Variants in SPOCK3 observed in about 807,000 individuals in gnomAD.
SPOCK3 encodes the protein testican-3.
A neutral mutation model predicts 56.6 loss-of-function variants in SPOCK3; 30 were observed. The ratio of observed to expected loss-of-function variants is 0.53; its 90% CI spans 0.40 to 0.72. SPOCK3 has a LOEUF of 0.72. Ranked by LOEUF, SPOCK3 falls within the 30% of genes least tolerant of loss-of-function variation. SPOCK3 has a pLI of 0.00. For missense variants in SPOCK3, 527 were observed against 530.0 expected (o/e 0.99, Z 0.06); for synonymous variants, 196 against 183.3 (o/e 1.07, Z -0.56).
intron 3 of SPOCK3, among the ~76,000 whole-genome samples, chr4:167,006,829 T>C (rs1749519473): frequency 1.3e-5 from 2 of 152,254 alleles, no homozygotes; most frequent in Non-Finnish European, 2.9e-5. Context: ...TCCTCATACC[T>C]GTTGCTACTA....
chr4:167,178,784 C>A (rs1055368949), intron 2 of SPOCK3, among the ~76,000 whole-genome samples: 2 of 151,700 alleles, frequency 1.3e-5, no homozygotes, highest in African/African-American at 4.8e-5. Flanking sequence ...ACCATGATTT[C>A]ATAAAAATAA....
At chr4:166,918,093 G>A (rs529095717) in intron 4 of SPOCK3, among the ~76,000 whole-genome samples, 32 of 152,104 alleles carry the variant, frequency 2.1e-4, no homozygotes, top group Non-Finnish European at 3.4e-4. Flanking sequence ...GCCAAGTCAT[G>A]ATTTCTTCCC....
intron 2 of SPOCK3, among the ~76,000 whole-genome samples, chr4:167,138,893 A>G (rs1763318833): frequency 6.6e-6 from 1 of 151,990 alleles, no homozygotes; most frequent in Non-Finnish European, 1.5e-5. Context: ...AAATCATAAG[A>G]CTAGAATAAA....
intron 2 of SPOCK3, among the ~76,000 whole-genome samples, chr4:167,112,304 TC>T: frequency 6.6e-6 from 1 of 152,196 alleles, no homozygotes. Context: ...TAAAAATGAC[TC>T]TTCTAAAATG....
At chr4:167,076,079 G>T (rs759850953) in intron 2 of SPOCK3, among the ~76,000 whole-genome samples, 40 of 151,854 alleles carry the variant, frequency 2.6e-4, no homozygotes, top group South Asian at 2.1e-4. Flanking sequence ...TATTCCAACT[G>T]TATGGCATTC....
intron 2 of SPOCK3, among the ~76,000 whole-genome samples, chr4:167,067,781 A>T (rs1195395925): frequency 1.3e-5 from 2 of 151,864 alleles, no homozygotes; most frequent in Non-Finnish European, 2.9e-5. Flanking sequence ...TAATAGCATC[A>T]ATGCTATACT....
At chr4:166,888,558 A>G (rs547891321) in intron 6 of SPOCK3, among the ~76,000 whole-genome samples, 1 of 152,218 alleles carries the variant, frequency 6.6e-6, no homozygotes, top group African/African-American at 2.4e-5. Flanking sequence ...TATATATTAT[A>G]GTACATATCT....
chr4:167,214,258 A>G (rs2111051923), intron 2 of SPOCK3, among the ~76,000 whole-genome samples: 1 of 152,278 alleles, frequency 6.6e-6, no homozygotes, highest in South Asian at 2.1e-4. Context: ...GTTTTTATGT[A>G]GTTTAAAGAA....
chr4:166,864,175 A>G (rs1200378882), intron 6 of SPOCK3, among the ~76,000 whole-genome samples: 1 of 152,222 alleles, frequency 6.6e-6, no homozygotes, highest in African/African-American at 2.4e-5. Flanking sequence ...CTGCTCTTGA[A>G]TGACTGCTGG....
intron 6 of SPOCK3, among the ~76,000 whole-genome samples, chr4:166,849,079 T>C (rs908535390): frequency 3.3e-5 from 5 of 152,216 alleles, no homozygotes; most frequent in African/African-American, 1.2e-4. Context: ...TAGAAATACA[T>C]GAATATCTAA....
intron 4 of SPOCK3, among the ~76,000 whole-genome samples, chr4:166,922,177 T>C (rs1185659090): frequency 6.6e-6 from 1 of 151,846 alleles, no homozygotes; most frequent in Non-Finnish European, 1.5e-5. Context: ...CATCTCCCAC[T>C]CCCCTGTAAA....
intron 2 of SPOCK3, among the ~76,000 whole-genome samples, chr4:167,208,579 CA>C (rs1366952316): frequency 6.6e-6 from 1 of 151,946 alleles, no homozygotes; most frequent in African/African-American, 2.4e-5. Flanking sequence ...TCTAATATTC[CA>C]AATTTAACTG....
chr4:166,764,803 G>C (rs9684152), intron 7 of SPOCK3, among the ~76,000 whole-genome samples: 47,076 of 147,162 alleles, frequency 0.32, 7,732 homozygotes, highest in Admixed American at 0.4. Flanking sequence ...TACAGTCCCA[G>C]CAACAGTGTA....
intron 4 of SPOCK3, among the ~76,000 whole-genome samples, chr4:166,945,855 G>A (rs1041572277): frequency 7.2e-5 from 11 of 152,062 alleles, no homozygotes; most frequent in Non-Finnish European, 1.5e-4. Flanking sequence ...TTGATACTTC[G>A]TTCCGAGCCT....
At chr4:167,090,627 C>T (rs1476283528) in intron 2 of SPOCK3, among the ~76,000 whole-genome samples, 1 of 152,002 alleles carries the variant, frequency 6.6e-6, no homozygotes, top group East Asian at 1.9e-4. Context: ...CCTCAGCCTC[C>T]CAAGTAGCTG....
intron 2 of SPOCK3, among the ~76,000 whole-genome samples, chr4:167,160,392 G>T (rs1765190501): frequency 6.7e-6 from 1 of 149,952 alleles, no homozygotes; most frequent in Admixed American, 6.6e-5. Context: ...AAATAAAAGA[G>T]GATACAAACA....
chr4:167,054,449 C>T (rs1311072111), intron 3 of SPOCK3, among the ~76,000 whole-genome samples: 1 of 152,164 alleles, frequency 6.6e-6, no homozygotes, highest in Non-Finnish European at 1.5e-5. Context: ...AAACCATATA[C>T]ATTTTATGCC....
intron 4 of SPOCK3, among the ~76,000 whole-genome samples, chr4:166,997,604 T>C (rs1346237007): frequency 6.6e-6 from 1 of 152,156 alleles, no homozygotes; most frequent in Non-Finnish European, 1.5e-5. Flanking sequence ...TGAGCAGTAA[T>C]TCAAGATCTG....
At chr4:167,028,796 T>C (rs75550754) in intron 3 of SPOCK3, among the ~76,000 whole-genome samples, 1,555 of 152,164 alleles carry the variant, frequency 0.01, 16 homozygotes, top group Middle Eastern at 0.02. Context: ...ATTGAAGATA[T>C]TGTTTTTAAG....
Sources: allele counts gnomAD v4.1 joint callset (sites outside exome capture counted in the v4.1 genomes callset), GRCh38; gene constraint gnomAD v4.1.1; transcripts MANE v1.5; gene names NCBI Gene and HGNC (gene_info 2026-07-23, HGNC 2026-07-21).